The following FGF23 variants were observed in gnomAD, a reference collection of about 807,000 sequenced individuals.
FGF23 encodes the protein phosphatonin.
Under a neutral mutation model 9.0 loss-of-function variants are expected in FGF23, and 8 were observed. The ratio of observed to expected loss-of-function variants is 0.89; its 90% CI spans 0.52 to 1.60. The LOEUF (loss-of-function observed/expected upper bound fraction) is 1.60, where lower values mean the gene tolerates loss of function less well. FGF23 is among the 40% of genes most tolerant of loss of function. The pLI is 0.00. For synonymous variants in FGF23, 118 were observed against 146.2 expected (o/e 0.81, Z 1.39); for missense variants, 311 against 344.3 (o/e 0.90, Z 0.77).
chr12:4,370,873 C>G, intron 2 of FGF23, 90 bp from the exon 3 acceptor site: 2 of 1,097,704 alleles, frequency 1.8e-6, no homozygotes, highest in Non-Finnish European at 2.8e-6. Context: ...CTTGTGCCAG[C>G]CGGCCTGAAG....
chr12:4,377,660 G>T (rs561223244), intron 1 of FGF23, among the ~76,000 whole-genome samples: 1 of 150,374 alleles, frequency 6.7e-6, no homozygotes, highest in East Asian at 2.0e-4. Context: ...TCAATCTCCT[G>T]ACCTCGTGAT....
At chr12:4,379,350 C>A in intron 1 of FGF23, 22 bp downstream of exon 1, 1 of 1,603,922 alleles carries the variant, frequency 6.2e-7, no homozygotes, top group African/African-American at 1.3e-5. Context: ...TCCCCTTCTT[C>A]CCAGCCTGAA....
Position 4,369,466 on chromosome 12 carries a change from A to G in FGF23, c.*877T>C, listed in dbSNP as rs1325828275. 4.4e-6 allele frequency: 1 copy of G among 229,290 alleles called. No individual in the cohort carries two copies. The highest frequency in any genetic ancestry group is 8.6e-6 in the Non-Finnish European group (1 of 115,640). The allele number at this position is 229,290 out of a possible 1,614,324, so 14.2% of individuals were successfully genotyped here. On this transcript the variant is annotated 3_prime_UTR_variant, in exon 3 of 3. Transcript: ENST00000237837. Reference sequence around the variant, plus strand: ...AATTTATTTCCATTTTGAAAAGCAAATTCTAGCAGGGCAGATTTTCGTGAG... The same window carrying G: ...AATTTATTTCCATTTTGAAAAGCAAGTTCTAGCAGGGCAGATTTTCGTGAG...
chr12:4,369,059 G>T lies in FGF23; in HGVS notation c.*1284C>A, dbSNP rs141270801. 2.2e-5 allele frequency: 5 copies of T among 227,284 alleles called. No homozygotes were observed. The highest frequency in any genetic ancestry group is 3.5e-5 in the Non-Finnish European group (4 of 114,436). 14.1% of individuals were successfully genotyped at this position (227,284 alleles called of 1,614,324 possible). A position where few individuals can be genotyped will look rare whatever the true frequency, so the allele number is the denominator to read the frequency against. ...ATGGAGCCCCCTTACAGGAAGAACCGCAGTAATGGGGTAAGGCTTCATTTA... is the reference window on the plus strand; with the variant it reads ...ATGGAGCCCCCTTACAGGAAGAACCTCAGTAATGGGGTAAGGCTTCATTTA... On this transcript the variant is annotated 3_prime_UTR_variant, in exon 3 of 3. Coordinates refer to ENST00000237837, the MANE Select transcript of FGF23 (RefSeq NM_020638.3).
intron 1 of FGF23, among the ~76,000 whole-genome samples, chr12:4,379,144 C>T (rs962567732): frequency 2.0e-5 from 3 of 152,054 alleles, no homozygotes; most frequent in Non-Finnish European, 4.4e-5. Context: ...TTGAGAAAAA[C>T]CAGCAAATGC....
chr12:4,370,509 G>C lies in FGF23; in HGVS notation c.590C>G (p.Ala197Gly). The change falls in exon 3 of 3, where the codon GCC (alanine) becomes GGC (glycine). Residue 197 changes from alanine (A) to glycine (G), a missense_variant. This residue lies in a region of FGF23 where 206 missense variants were observed against 219.2 expected (regional missense o/e 0.94). Transcript: ENST00000237837. ...GGAGGCCGGGGCCGGGGTCATCCGG[G>C]CCCGGGGCTTCAGCACGTTCAGGGG... ...RDPLNVLKPR[A>G]RMTPAPASCS... is the part of the protein sequence containing the mutation. The C allele has an allele frequency of 6.2e-7, 1 of 1,611,666 alleles. No individual in the cohort carries two copies. Among genetic ancestry groups the C allele is most frequent in the Non-Finnish European group, 8.5e-7 (1 of 1,178,322 alleles).
rs769757583 is a variant in FGF23, at chr12:4,370,629, A to T, written c.470T>A (p.Phe157Tyr). ...GGGGATCTCGTTCCTCCGGGACAGG[A>T]ACTGGGAGTACGGGGGTGGGTTCAT... ...PGMNPPPYSQ[F>Y]LSRRNEIPLI... Residue 157 changes from phenylalanine (F) to tyrosine (Y), a missense_variant, in exon 3 of 3, where the codon TTC becomes TAC. Phe to Tyr is a conservative substitution (Grantham distance 22). Around this residue, in one of 3 missense-constraint regions of FGF23, gnomAD observed 206 missense variants for 219.2 expected, o/e 0.94. Coordinates refer to ENST00000237837, the MANE Select transcript of FGF23 (RefSeq NM_020638.3). The T allele has an allele frequency of 6.8e-6, 11 of 1,614,022 alleles. No individual in the cohort carries two copies. Among genetic ancestry groups the T allele is most frequent in the Non-Finnish European group, 9.3e-6 (11 of 1,179,962 alleles).
At position 4,372,728 on chromosome 12, in the gene FGF23, C is replaced by T. The variant is rs747802239; in HGVS notation, c.212-31G>A. The T allele has an allele frequency of 1.1e-5, 16 of 1,415,226 alleles. 1 individual carries two copies. The East Asian group carries it at 3.4e-4, about 30-fold the overall frequency. The allele number at this position is 1,415,226 out of a possible 1,614,324, so 87.7% of individuals were successfully genotyped here. ...GAGAAAAACAGGCAGGGCAAAGACT[C>T]ATTGCCATCCAATTCCCACCTTCAA... On this transcript the variant is annotated intron_variant, in intron 1 of 2. Transcript: ENST00000237837.
chr12:4,370,822 G>C, intron 2 of FGF23, 39 bp from the exon 3 acceptor site: 2 of 1,593,426 alleles, frequency 1.3e-6, no homozygotes, highest in Middle Eastern at 3.3e-4. Context: ...GGCTGGCAGT[G>C]GGGGCCCCAC....
Position 4,370,473 on chromosome 12 carries a change from TC to T in FGF23, c.625del (p.Glu209SerfsTer16). 6.2e-7 allele frequency: 1 copy of T among 1,612,314 alleles called. No individual in the cohort carries two copies. The highest frequency in any genetic ancestry group is 8.5e-7 in the Non-Finnish European group (1 of 1,179,052). On this transcript the variant is annotated frameshift_variant, in exon 3 of 3. Transcript: ENST00000237837. LOFTEE classifies it low-confidence loss of function (END_TRUNC). Reference protein sequence around the residue: ...MTPAPASCSQELPSAEDNSPM... With the variant: ...MTPAPASCSQXLPSAEDNSPM... The stretch of plus-strand genomic sequence containing the variant: ...GCTGTTGTCCTCGGCGCTCGGGAGC[TC>T]CTGTGAACAGGAGGCCGGGGCCGGG...
chr12:4,379,005 C>T (rs1368795770), intron 1 of FGF23, among the ~76,000 whole-genome samples: 7 of 152,324 alleles, frequency 4.6e-5, no homozygotes, highest in Middle Eastern at 3.4e-3. Flanking sequence ...GTCTGTTGAT[C>T]TGCCTGGCTT....
rs766987604 is a variant in FGF23, at chr12:4,379,456, A to G, written c.127T>C (p.Tyr43His). 6.2e-7 allele frequency: 1 copy of G among 1,613,626 alleles called. No homozygotes were observed. Among genetic ancestry groups the G allele is most frequent in the Non-Finnish European group, 8.5e-7 (1 of 1,180,016 alleles). Residue 43 changes from tyrosine (Y) to histidine (H), a missense_variant, in exon 1 of 3, where the codon TAC (tyrosine) becomes CAC (histidine). Transcript: ENST00000237837. ...GSSWGGLIHL[Y>H]TATARNSYHL... ...TAGCTGTTCCTGGCTGTGGCTGTGT[A>G]CAGGTGGATCAGGCCACCCCAGCTG...
At chr12:4,373,127 C>T (rs1053423329) in intron 1 of FGF23, among the ~76,000 whole-genome samples, 1 of 152,142 alleles carries the variant, frequency 6.6e-6, no homozygotes, top group Non-Finnish European at 1.5e-5. Flanking sequence ...TCCAGCTTGC[C>T]ATAGAGTCTG....
In FGF23 at chr12:4,370,319, A is replaced by G. The variant is rs774011617; in HGVS notation, c.*24T>C. ...AGCTGCGTTTGCTGAGGGATGGGTT[A>G]AAGAGGGTGCCCTTCCAGCGACCCT... is the stretch of plus-strand genomic sequence containing the variant. On this transcript the variant is annotated 3_prime_UTR_variant, in exon 3 of 3. Transcript: ENST00000237837. The G allele has an allele frequency of 1.2e-6, 2 of 1,607,952 alleles. No homozygotes were observed. The highest frequency in any genetic ancestry group is 2.2e-5 in the South Asian group (2 of 90,994).
chr12:4,376,889 C>A (rs957337637), intron 1 of FGF23, among the ~76,000 whole-genome samples: 6 of 151,962 alleles, frequency 3.9e-5, no homozygotes, highest in South Asian at 2.1e-4. Flanking sequence ...ATACACATGA[C>A]AACTCATTGA....
Position 4,370,275 on chromosome 12 carries a change from G to A in FGF23, c.*68C>T. ...CCTTTCCCATCCTCGGAACGTCAAG[G>A]GACCTGGTCCTTGGGAAGAGCTGCG... On this transcript the variant is annotated 3_prime_UTR_variant, in exon 3 of 3. Transcript: ENST00000237837. 6.8e-7 allele frequency: 1 copy of A among 1,474,698 alleles called. No homozygotes were observed. The highest frequency in any genetic ancestry group is 9.4e-7 in the Non-Finnish European group (1 of 1,062,182). The allele number at this position is 1,474,698 out of a possible 1,614,324, so 91.4% of individuals were successfully genotyped here.
intron 1 of FGF23, among the ~76,000 whole-genome samples, chr12:4,376,960 C>A (rs1865122877): frequency 6.6e-6 from 1 of 152,132 alleles, no homozygotes; most frequent in Non-Finnish European, 1.5e-5. Flanking sequence ...ACTACCCTGA[C>A]CCGAAGTTCC....
intron 1 of FGF23, among the ~76,000 whole-genome samples, chr12:4,374,775 A>G (rs1478165441): frequency 6.6e-6 from 1 of 152,214 alleles, no homozygotes; most frequent in Non-Finnish European, 1.5e-5. Flanking sequence ...AAATTCTCAA[A>G]ACAAATTTTA....
intron 1 of FGF23, among the ~76,000 whole-genome samples, chr12:4,378,265 ATTAAT>A (rs1350474423): frequency 6.6e-6 from 1 of 152,216 alleles, no homozygotes; most frequent in Non-Finnish European, 1.5e-5. Flanking sequence ...AGCAAAAATA[ATTAAT>A]TTATTTATTA....
Sources: gnomAD v4.1 joint callset for allele counts (sites outside exome capture counted in the v4.1 genomes callset) on GRCh38, gnomAD v4.1.1 for gene constraint, gnomAD v4.1.1 regional missense constraint, MANE v1.5 for transcripts, NCBI Gene and HGNC (gene_info 2026-07-23, HGNC 2026-07-21) for gene names.